PTPRD: variants seen among roughly 807,000 people sequenced by gnomAD.
The protein encoded by PTPRD is protein tyrosine phosphatase receptor type D, also known as receptor-type tyrosine-protein phosphatase delta.
In PTPRD, 34 loss-of-function variants were observed where a neutral mutation model predicts 214.5. That is an observed-to-expected ratio of 0.16 (90% CI 0.12 to 0.21). The LOEUF (loss-of-function observed/expected upper bound fraction) is 0.21. Among genes scored for constraint, PTPRD ranks in the 10% least tolerant of loss-of-function variants. PTPRD has a pLI of 1.00. For missense variants in PTPRD, 2,545 were observed against 2,398.7 expected (o/e 1.06, Z -1.27); for synonymous variants, 1,128 against 845.7 (o/e 1.33, Z -5.79).
chr9:9,957,671 T>C (rs1436351512), intron 4 of PTPRD, among the ~76,000 whole-genome samples: 1 of 152,008 alleles, frequency 6.6e-6, no homozygotes, highest in Non-Finnish European at 1.5e-5. Context: ...AACACAATAT[T>C]AGTGATACTG....
At chr9:8,455,957 A>G (rs1002190398) in intron 33 of PTPRD, among the ~76,000 whole-genome samples, 5 of 152,198 alleles carry the variant, frequency 3.3e-5, no homozygotes, top group African/African-American at 1.2e-4. Flanking sequence ...CATATGTGGT[A>G]CAAATATCTA....
chr9:9,890,294 C>G (rs1488371218), intron 5 of PTPRD, among the ~76,000 whole-genome samples: 1 of 151,716 alleles, frequency 6.6e-6, no homozygotes, highest in Non-Finnish European at 1.5e-5. Flanking sequence ...ACTTCCTGGC[C>G]TAAGCAATCA....
At chr9:10,602,384 C>T (rs2133402852) in intron 2 of PTPRD, among the ~76,000 whole-genome samples, 1 of 151,608 alleles carries the variant, frequency 6.6e-6, no homozygotes, top group East Asian at 1.9e-4. Flanking sequence ...ATTAGAAGCC[C>T]AATAAATGTT....
intron 35 of PTPRD, among the ~76,000 whole-genome samples, chr9:8,418,219 C>CTTTTTTTTTTTTTTTTTTTTT: frequency 6.7e-6 from 1 of 150,188 alleles, no homozygotes. Flanking sequence ...CTTTCTTATC[C>CTTTTTTTTTTTTTTTTTTTTT]TTTTCTTTTT....
At chr9:9,082,559 A>C (rs962298202) in intron 10 of PTPRD, among the ~76,000 whole-genome samples, 2 of 152,214 alleles carry the variant, frequency 1.3e-5, no homozygotes, top group African/African-American at 4.8e-5. Context: ...CAGGGAAATC[A>C]GGCAAGAGAA....
At chr9:9,801,397 C>G (rs1331027796) in intron 5 of PTPRD, among the ~76,000 whole-genome samples, 1 of 152,014 alleles carries the variant, frequency 6.6e-6, no homozygotes, top group Non-Finnish European at 1.5e-5. Flanking sequence ...CACCTAAACT[C>G]CAATGGGATT....
At chr9:8,675,998 T>C (rs529167642) in intron 12 of PTPRD, among the ~76,000 whole-genome samples, 1 of 152,334 alleles carries the variant, frequency 6.6e-6, no homozygotes, top group African/African-American at 2.4e-5. Flanking sequence ...AGTCTATTTA[T>C]GACCTGAGCC....
At chr9:8,601,869 C>T (rs1320400195) in intron 14 of PTPRD, among the ~76,000 whole-genome samples, 1 of 152,102 alleles carries the variant, frequency 6.6e-6, no homozygotes, top group Non-Finnish European at 1.5e-5. Flanking sequence ...TATCAAGCAC[C>T]TAGTCATTGT....
At position 9,104,005 on chromosome 9, in the gene PTPRD, A is replaced by T. The variant is rs1249775487; in HGVS notation, c.-143+79299T>A. ...CTCAAAAAATTAATAAATAAATAAA[A>T]AAGATGAAGCAGTTCTTCCAAACAC... On this transcript the variant is annotated intron_variant, in intron 10 of 45. Coordinates refer to ENST00000381196, the MANE Select transcript of PTPRD (RefSeq NM_002839.4). Among the ~76,000 whole-genome samples, 4 of 152,076 alleles carry T rather than the reference A, an allele frequency of 2.6e-5. No individual in the cohort carries two copies. The East Asian group carries it at 5.8e-4, about 22-fold the overall frequency.
chr9:9,130,383 G>A (rs1386191555), intron 10 of PTPRD, among the ~76,000 whole-genome samples: 1 of 152,064 alleles, frequency 6.6e-6, no homozygotes, highest in Admixed American at 6.6e-5. Context: ...GGAATTCCAA[G>A]TCACGTAAAC....
chr9:8,910,405 T>C (rs2098739118), intron 11 of PTPRD, among the ~76,000 whole-genome samples: 1 of 152,100 alleles, frequency 6.6e-6, no homozygotes, highest in African/African-American at 2.4e-5. Flanking sequence ...GATTGGGTCA[T>C]GAAGGATCTG....
At chr9:8,539,987 T>TCC (rs2077990035) in intron 14 of PTPRD, among the ~76,000 whole-genome samples, 1 of 152,108 alleles carries the variant, frequency 6.6e-6, no homozygotes, top group Non-Finnish European at 1.5e-5. Context: ...ATTTCGATAG[T>TCC]CCCATTGTAG....
At chr9:8,377,002 G>T (rs1244172049) in intron 37 of PTPRD, among the ~76,000 whole-genome samples, 1 of 152,110 alleles carries the variant, frequency 6.6e-6, no homozygotes, top group African/African-American at 2.4e-5. Flanking sequence ...AATACAGAGA[G>T]AGGGATTTGA....
At chr9:8,758,158 C>T (rs1020230256) in intron 11 of PTPRD, among the ~76,000 whole-genome samples, 3 of 152,184 alleles carry the variant, frequency 2.0e-5, no homozygotes, top group African/African-American at 7.2e-5. Context: ...TTTGAGGAAA[C>T]AAGCTTCTGT....
At chr9:9,833,475 G>C (rs955127939) in intron 5 of PTPRD, among the ~76,000 whole-genome samples, 7 of 151,820 alleles carry the variant, frequency 4.6e-5, no homozygotes, top group East Asian at 1.9e-4. Flanking sequence ...CCACAGGACC[G>C]AGGCGAAATT....
At chr9:9,794,932 C>T (rs776808944) in intron 5 of PTPRD, among the ~76,000 whole-genome samples, 1 of 152,174 alleles carries the variant, frequency 6.6e-6, no homozygotes, top group Non-Finnish European at 1.5e-5. Context: ...ATGCTGCAAT[C>T]ATCTAAACCA....
chr9:10,255,748 T>C (rs1172298884), intron 3 of PTPRD, among the ~76,000 whole-genome samples: 3 of 152,238 alleles, frequency 2.0e-5, no homozygotes, highest in Non-Finnish European at 4.4e-5. Context: ...ATTGTGCAGC[T>C]GTACAAAAAT....
At chr9:8,713,956 G>C in intron 12 of PTPRD, 1 of 630,904 alleles carries the variant, frequency 1.6e-6, no homozygotes, top group Non-Finnish European at 2.8e-6. Flanking sequence ...GAGAATTAGT[G>C]AGGCCTGACC....
chr9:8,507,204 A>G, intron 22 of PTPRD, 97 bp downstream of exon 22: 1 of 1,408,586 alleles, frequency 7.1e-7, no homozygotes. Flanking sequence ...AAGGTCCTCA[A>G]TAGCTCTCTG....
Sources: gnomAD v4.1 joint callset for allele counts (sites outside exome capture counted in the v4.1 genomes callset) on GRCh38, gnomAD v4.1.1 for gene constraint, MANE v1.5 for transcripts, NCBI Gene and HGNC (gene_info 2026-07-23, HGNC 2026-07-21) for gene names.